The following NCMAP variants were observed in gnomAD, a reference collection of about 807,000 sequenced individuals.
NCMAP encodes noncompact myelin-associated protein.
NCMAP carries 8 observed loss-of-function variants against 7.8 expected under a neutral mutation model. The observed-to-expected ratio is 1.02, with a 90% CI of 0.60 to 1.84. The LOEUF is 1.84. Ranked by LOEUF, NCMAP falls within the 40% of genes most tolerant of loss-of-function variation. The pLI is 0.00. For missense variants in NCMAP, 112 were observed against 131.4 expected, an observed-to-expected ratio of 0.85 and a Z score of 0.72; for synonymous variants, 41 against 52.9, an observed-to-expected ratio of 0.78 and a Z score of 0.98.
chr1:24,595,574 T>C, intron 2 of NCMAP, 62 bp downstream of exon 2: 2 of 1,357,430 alleles, frequency 1.5e-6, no homozygotes, highest in Non-Finnish European at 1.1e-6. Flanking sequence ...ATGGTCATAG[T>C]GCAGAGGTTA....
chr1:24,605,496 T>G, intron 3 of NCMAP, 110 bp from the exon 4 acceptor site: 1 of 1,285,768 alleles, frequency 7.8e-7, no homozygotes, highest in East Asian at 2.4e-5. Flanking sequence ...TGTGATTTAA[T>G]GTCTACATTA....
At chr1:24,571,648 C>T (rs1244620964) in intron 1 of NCMAP, among the ~76,000 whole-genome samples, 6 of 149,950 alleles carry the variant, frequency 4.0e-5, no homozygotes, top group South Asian at 2.1e-4. Context: ...TGACATGGCA[C>T]GATCTCGGCT....
Position 24,560,610 on chromosome 1 carries a change from G to A in NCMAP, c.-8+4441G>A, listed in dbSNP as rs189602790. Among the ~76,000 whole-genome samples the A allele has an allele frequency of 2.5e-3, 386 of 152,262 alleles. 1 individual carries two copies. The highest frequency in any genetic ancestry group is 8.7e-3 in the African/African-American group (361 of 41,562). On this transcript the variant is annotated intron_variant, in intron 1 of 3. Transcript: ENST00000374392. ...TAACAAAAACTTTAGCAGGTGTGGT[G>A]TTGTGCACCTGTGGTCCCAGCTCCT... is the stretch of plus-strand genomic sequence containing the variant.
intron 2 of NCMAP, among the ~76,000 whole-genome samples, chr1:24,597,365 G>A (rs969078523): frequency 3.3e-5 from 5 of 151,284 alleles, no homozygotes; most frequent in Non-Finnish European, 7.4e-5. Context: ...TTAACTGGGT[G>A]TGGTGGTGCA....
intron 1 of NCMAP, among the ~76,000 whole-genome samples, chr1:24,562,975 T>TGG (rs76140602): frequency 2.0e-5 from 3 of 152,020 alleles, no homozygotes; most frequent in Admixed American, 6.5e-5. Context: ...CTGGCATCCC[T>TGG]GGGGGGGGAC....
chr1:24,589,356 T>A (rs1651979225), intron 1 of NCMAP: 1 of 152,214 alleles, frequency 6.6e-6, no homozygotes, highest in African/African-American at 2.4e-5. Context: ...GCCCCACACA[T>A]GAAAACACCC....
intron 1 of NCMAP, among the ~76,000 whole-genome samples, chr1:24,568,904 T>A (rs1651305073): frequency 6.6e-6 from 1 of 151,860 alleles, no homozygotes; most frequent in Non-Finnish European, 1.5e-5. Context: ...ACTAGAGGCA[T>A]GCGTCACCAT....
Position 24,606,003 on chromosome 1 carries a change from T to A in NCMAP, c.*256T>A, listed in dbSNP as rs1258408101. The stretch of plus-strand genomic sequence containing the variant: ...TTTGTCATCTGATGAGGTAGAGCTA[T>A]GTTGGGAATCCACCAATGTGGGCTT... On this transcript the variant is annotated 3_prime_UTR_variant, in exon 4 of 4. Transcript: ENST00000374392. 2.2e-6 allele frequency: 1 copy of A among 461,230 alleles called. No homozygotes were observed. The highest frequency in any genetic ancestry group is 3.9e-6 in the Non-Finnish European group (1 of 256,892). The allele number at this position is 461,230 out of a possible 1,614,324, so 28.6% of individuals were successfully genotyped here.
chr1:24,590,143 G>C (rs1407819076), intron 1 of NCMAP, among the ~76,000 whole-genome samples: 3 of 152,206 alleles, frequency 2.0e-5, no homozygotes, highest in Non-Finnish European at 4.4e-5. Flanking sequence ...CTTCATTTGA[G>C]AGAAGGGGAA....
At chr1:24,567,207 C>T (rs1050781556) in intron 1 of NCMAP, among the ~76,000 whole-genome samples, 1 of 152,168 alleles carries the variant, frequency 6.6e-6, no homozygotes, top group African/African-American at 2.4e-5. Context: ...GCCTTCTAAA[C>T]AGCAGGCCTT....
At chr1:24,566,271 G>A (rs1651225964) in intron 1 of NCMAP, among the ~76,000 whole-genome samples, 1 of 152,186 alleles carries the variant, frequency 6.6e-6, no homozygotes, top group African/African-American at 2.4e-5. Flanking sequence ...TATGAGCCAT[G>A]CGCCTGGCCA....
intron 2 of NCMAP, among the ~76,000 whole-genome samples, chr1:24,596,251 C>G (rs1234151936): frequency 6.6e-6 from 1 of 151,294 alleles, no homozygotes; most frequent in Non-Finnish European, 1.5e-5. Flanking sequence ...CCAGCCTGGG[C>G]AACAAAGTGA....
At chr1:24,569,959 T>G (rs1195425677) in intron 1 of NCMAP, among the ~76,000 whole-genome samples, 1 of 150,340 alleles carries the variant, frequency 6.7e-6, no homozygotes, top group African/African-American at 2.5e-5. Context: ...AAAAAAAATT[T>G]TTTTTTGAGA....
rs1362849102 is a variant in NCMAP, at chr1:24,607,965, T to C, written c.*2218T>C. Reference sequence around the variant, plus strand: ...ATGATATCCCACTGTAAAAATACTCTGTGGAATAGCTCTGGAGAAATACTG... The same window carrying C: ...ATGATATCCCACTGTAAAAATACTCCGTGGAATAGCTCTGGAGAAATACTG... On this transcript the variant is annotated 3_prime_UTR_variant, in exon 4 of 4. Transcript: ENST00000374392. 1 of 152,180 alleles carries C rather than the reference T, an allele frequency of 6.6e-6. No individual in the cohort carries two copies. The highest frequency in any genetic ancestry group is 1.5e-5 in the Non-Finnish European group (1 of 68,046). The allele number at this position is 152,180 out of a possible 1,614,324, so 9.4% of individuals were successfully genotyped here.
At chr1:24,597,672 A>T (rs1257888146) in intron 2 of NCMAP, among the ~76,000 whole-genome samples, 1 of 99,554 alleles carries the variant, frequency 1.0e-5, no homozygotes, top group African/African-American at 3.2e-5. Context: ...AGAAAGAAAG[A>T]AAAGAAAAAG....
intron 1 of NCMAP, among the ~76,000 whole-genome samples, chr1:24,561,572 C>A (rs1651054598): frequency 6.6e-6 from 1 of 152,140 alleles, no homozygotes; most frequent in South Asian, 2.1e-4. Flanking sequence ...CCAGGCCCTT[C>A]ACTGTGGAAG....
chr1:24,591,189 G>A (rs1185918913), intron 1 of NCMAP, among the ~76,000 whole-genome samples: 5 of 152,236 alleles, frequency 3.3e-5, no homozygotes, highest in Non-Finnish European at 2.9e-5. Context: ...TTTGCAGGGA[G>A]CTGCTGTGGG....
chr1:24,557,626 A>G (rs1035514487), intron 1 of NCMAP, among the ~76,000 whole-genome samples: 2 of 152,106 alleles, frequency 1.3e-5, no homozygotes, highest in Non-Finnish European at 2.9e-5. Context: ...CATGTCCTCT[A>G]AGTGGGGAGA....
intron 1 of NCMAP, among the ~76,000 whole-genome samples, chr1:24,582,130 C>A (rs962544244): frequency 6.6e-6 from 1 of 152,130 alleles, no homozygotes; most frequent in South Asian, 2.1e-4. Flanking sequence ...CCTTCTCATG[C>A]GCAACCTCCT....
Sources: allele counts gnomAD v4.1 joint callset (sites outside exome capture counted in the v4.1 genomes callset), GRCh38; gene constraint gnomAD v4.1.1; transcripts MANE v1.5; gene names NCBI Gene and HGNC (gene_info 2026-07-23, HGNC 2026-07-21).